SCAPER: variants seen among roughly 807,000 people sequenced by gnomAD.
The protein encoded by SCAPER is S phase cyclin A-associated protein in the endoplasmic reticulum.
In SCAPER, 98 loss-of-function variants were observed where a neutral mutation model predicts 182.2. The observed-to-expected ratio is 0.54, with a 90% confidence interval of 0.46 to 0.64. SCAPER has a LOEUF of 0.64. Among genes scored for constraint, SCAPER ranks in the 30% least tolerant of loss-of-function variants. SCAPER has a pLI of 0.00. For synonymous variants in SCAPER, 605 were observed against 564.6 expected (o/e 1.07, Z -1.01); for missense variants, 1,432 against 1,690.0 (o/e 0.85, Z 2.68).
intron 21 of SCAPER, among the ~76,000 whole-genome samples, chr15:76,651,986 T>C (rs75666746): frequency 6.6e-6 from 1 of 151,814 alleles, no homozygotes. Context: ...ACTCAATAAA[T>C]GTGATTCACC....
At chr15:76,560,452 C>T (rs2046530656) in intron 23 of SCAPER, among the ~76,000 whole-genome samples, 1 of 152,028 alleles carries the variant, frequency 6.6e-6, no homozygotes, top group East Asian at 1.9e-4. Flanking sequence ...AATAGCCACA[C>T]AATTCTTCGG....
intron 24 of SCAPER, among the ~76,000 whole-genome samples, chr15:76,477,591 G>GA (rs996738007): frequency 3.9e-4 from 59 of 151,662 alleles, no homozygotes; most frequent in Admixed American, 2.4e-3. Context: ...CTGCCCTCCA[G>GA]AAAAAAAATT....
intron 20 of SCAPER, among the ~76,000 whole-genome samples, chr15:76,693,328 G>A (rs139643497): frequency 2.0e-5 from 3 of 152,238 alleles, no homozygotes; most frequent in African/African-American, 7.2e-5. Context: ...TTAAAAAATT[G>A]AAAATAACAA....
chr15:76,677,977 A>G lies in SCAPER; in HGVS notation c.2509-12188T>C, dbSNP rs553544996. ...CAACACAGAATTTCATTAAGCTGCCATTTTTAGAGTTCTGTCAAGTGTTGT... is the reference window on the plus strand; with the variant it reads ...CAACACAGAATTTCATTAAGCTGCCGTTTTTAGAGTTCTGTCAAGTGTTGT... On this transcript the variant is annotated intron_variant, in intron 20 of 31. Transcript: ENST00000563290. 3.9e-5 allele frequency among the ~76,000 whole-genome samples: 6 copies of G among 152,188 alleles called. 1 individual carries two copies. Among genetic ancestry groups the G allele is most frequent in the African/African-American group, 1.4e-4 (6 of 41,562 alleles).
chr15:76,548,663 T>G (rs2045497753), intron 23 of SCAPER, among the ~76,000 whole-genome samples: 1 of 152,216 alleles, frequency 6.6e-6, no homozygotes, highest in African/African-American at 2.4e-5. Context: ...CATCTGATCT[T>G]TGACAAACCT....
At chr15:76,628,677 C>A (rs2052812495) in intron 21 of SCAPER, among the ~76,000 whole-genome samples, 1 of 152,044 alleles carries the variant, frequency 6.6e-6, no homozygotes, top group African/African-American at 2.4e-5. Flanking sequence ...TACTGTAGCC[C>A]TATAATATAG....
chr15:76,834,827 T>C (rs1386680558), intron 5 of SCAPER, among the ~76,000 whole-genome samples: 1 of 151,902 alleles, frequency 6.6e-6, no homozygotes, highest in African/African-American at 2.4e-5. Flanking sequence ...TCTGGAAACA[T>C]ACAACCTGCC....
At chr15:76,387,828 T>C (rs1309564210) in intron 27 of SCAPER, among the ~76,000 whole-genome samples, 7 of 152,198 alleles carry the variant, frequency 4.6e-5, no homozygotes, top group African/African-American at 1.7e-4. Flanking sequence ...AAAAACTAAT[T>C]CCACACGCTT....
intron 27 of SCAPER, among the ~76,000 whole-genome samples, chr15:76,398,584 C>T (rs2044243762): frequency 6.6e-6 from 1 of 152,228 alleles, no homozygotes; most frequent in African/African-American, 2.4e-5. Context: ...TTGAAAAGCA[C>T]TCATTTATAG....
At chr15:76,348,900 C>T in intron 31 of SCAPER, 164 bp from the exon 32 acceptor site, 1 of 513,918 alleles carries the variant, frequency 1.9e-6, no homozygotes, top group South Asian at 3.3e-5. Flanking sequence ...CTATATGTAT[C>T]AATCTATCTG....
chr15:76,441,412 A>G (rs574051297), intron 25 of SCAPER, among the ~76,000 whole-genome samples: 2 of 152,160 alleles, frequency 1.3e-5, no homozygotes, highest in African/African-American at 4.8e-5. Flanking sequence ...GATGCTTACA[A>G]AAGTCTTCGT....
intron 22 of SCAPER, among the ~76,000 whole-genome samples, chr15:76,586,849 A>G (rs958731667): frequency 2.6e-5 from 4 of 151,368 alleles, no homozygotes; most frequent in African/African-American, 4.9e-5. Flanking sequence ...CTCTTTCTCT[A>G]TCTCGTGGAA....
intron 24 of SCAPER, among the ~76,000 whole-genome samples, chr15:76,481,592 A>G (rs1293972500): frequency 1.3e-5 from 2 of 152,252 alleles, no homozygotes; most frequent in Non-Finnish European, 2.9e-5. Flanking sequence ...GTTAGTTGTT[A>G]TAAGGAAAAC....
intron 21 of SCAPER, among the ~76,000 whole-genome samples, chr15:76,628,062 A>T (rs1251062002): frequency 6.6e-6 from 1 of 152,068 alleles, no homozygotes. Context: ...TTTTCTTCAT[A>T]TGTTTGTTGG....
chr15:76,632,651 C>T (rs373443088), intron 21 of SCAPER, among the ~76,000 whole-genome samples: 2 of 151,938 alleles, frequency 1.3e-5, no homozygotes, highest in East Asian at 1.9e-4. Context: ...TTGCTGGAGA[C>T]GTGTTGTGAT....
intron 17 of SCAPER, among the ~76,000 whole-genome samples, chr15:76,723,462 C>T (rs1260063047): frequency 2.6e-5 from 4 of 152,100 alleles, no homozygotes; most frequent in African/African-American, 9.7e-5. Flanking sequence ...TGGTGCAGAG[C>T]TGAGTTCAAT....
chr15:76,532,318 TCCCC>T (rs2144569503), intron 23 of SCAPER, among the ~76,000 whole-genome samples: 1 of 149,722 alleles, frequency 6.7e-6, no homozygotes, highest in African/African-American at 2.4e-5. Flanking sequence ...ACATTACCCC[TCCCC>T]TCCCCTCCCC....
chr15:76,507,569 A>C lies in SCAPER; in HGVS notation c.2839-2595T>G, dbSNP rs16968312. Reference sequence around the variant, plus strand: ...ATATTAGTATATATAAGCTCTGTCAAACATATTTGCCTGATTCTCCTGGTG... The same window carrying C: ...ATATTAGTATATATAAGCTCTGTCACACATATTTGCCTGATTCTCCTGGTG... On this transcript the variant is annotated intron_variant, in intron 23 of 31. Transcript: ENST00000563290. 4.9e-3 allele frequency among the ~76,000 whole-genome samples: 750 copies of C among 152,238 alleles called. 47 individuals carry two copies. The East Asian group carries it at 0.13, about 27-fold the overall frequency.
At chr15:76,665,447 T>A (rs2056501316) in intron 21 of SCAPER, among the ~76,000 whole-genome samples, 2 of 152,208 alleles carry the variant, frequency 1.3e-5, no homozygotes, top group South Asian at 4.1e-4. Flanking sequence ...TAAGAAGAGC[T>A]CTTAACAGGT....
Sources: allele counts gnomAD v4.1 joint callset (sites outside exome capture counted in the v4.1 genomes callset), GRCh38; gene constraint gnomAD v4.1.1; transcripts MANE v1.5; gene names NCBI Gene and HGNC (gene_info 2026-07-23, HGNC 2026-07-21).